The following SDK1 variants were observed in gnomAD, a reference collection of about 807,000 sequenced individuals.
SDK1 encodes the protein sidekick cell adhesion molecule 1, also known as protein sidekick-1.
In SDK1, 157 loss-of-function variants were observed where a neutral mutation model predicts 245.5. The observed-to-expected ratio is 0.64, with a 90% CI of 0.56 to 0.73. The LOEUF is 0.73. Among genes scored for constraint, SDK1 ranks in the 30% least tolerant of loss-of-function variants. The pLI is 0.00. For synonymous variants in SDK1, 1,647 were observed against 1,278.5 expected (o/e 1.29, Z -6.15); for missense variants, 3,583 against 3,002.3 (o/e 1.19, Z -4.52).
chr7:4,084,675 C>CGTTAT (rs60696477), intron 22 of SDK1, among the ~76,000 whole-genome samples: 19,789 of 119,454 alleles, frequency 0.17, 1,565 homozygotes, highest in Non-Finnish European at 0.18. Context: ...TGTTATGTTA[C>CGTTAT]GTTATGTTAT....
chr7:3,330,574 G>A (rs1043733786), intron 1 of SDK1, among the ~76,000 whole-genome samples: 1 of 152,118 alleles, frequency 6.6e-6, no homozygotes, highest in Non-Finnish European at 1.5e-5. Context: ...GATGCGTCTT[G>A]CCATGTCATG....
At chr7:4,119,254 G>A (rs967161447) in intron 25 of SDK1, among the ~76,000 whole-genome samples, 3 of 147,942 alleles carry the variant, frequency 2.0e-5, no homozygotes, top group South Asian at 4.5e-4. Context: ...ACCAGCCTGG[G>A]CAACATAGCA....
At chr7:3,383,531 C>T (rs960863303) in intron 1 of SDK1, among the ~76,000 whole-genome samples, 10 of 152,106 alleles carry the variant, frequency 6.6e-5, no homozygotes, top group African/African-American at 2.2e-4. Context: ...AGATTTTGTG[C>T]TTATTTGAGA....
chr7:3,866,848 G>A (rs1199590991), intron 5 of SDK1, among the ~76,000 whole-genome samples: 1 of 152,196 alleles, frequency 6.6e-6, no homozygotes, highest in African/African-American at 2.4e-5. Flanking sequence ...TTGATGTCCA[G>A]GCTGAAGAGT....
At chr7:3,749,047 C>A (rs896415528) in intron 4 of SDK1, among the ~76,000 whole-genome samples, 1 of 152,196 alleles carries the variant, frequency 6.6e-6, no homozygotes. Flanking sequence ...ATATTTTCAA[C>A]AGAGCATATT....
intron 5 of SDK1, among the ~76,000 whole-genome samples, chr7:3,881,692 T>C (rs1339945123): frequency 6.6e-6 from 1 of 152,234 alleles, no homozygotes; most frequent in African/African-American, 2.4e-5. Context: ...CACACTGTCT[T>C]CTACAATGGT....
chr7:4,199,296 C>T (rs923298347), intron 35 of SDK1, among the ~76,000 whole-genome samples: 2 of 152,208 alleles, frequency 1.3e-5, no homozygotes, highest in South Asian at 2.1e-4. Context: ...ACTCACTGTA[C>T]GGGCCAGGAA....
intron 4 of SDK1, among the ~76,000 whole-genome samples, chr7:3,807,007 A>G (rs1446939221): frequency 6.6e-6 from 1 of 152,040 alleles, no homozygotes; most frequent in African/African-American, 2.4e-5. Flanking sequence ...CGATAGCTGT[A>G]TTTCACCCAG....
intron 1 of SDK1, among the ~76,000 whole-genome samples, chr7:3,613,286 A>G (rs191340551): frequency 5.5e-4 from 83 of 152,280 alleles, no homozygotes; most frequent in Middle Eastern, 3.4e-3. Flanking sequence ...CTGCAGATAG[A>G]TGGGTCATGG....
intron 4 of SDK1, among the ~76,000 whole-genome samples, chr7:3,728,555 G>C (rs1779081292): frequency 6.6e-6 from 1 of 152,222 alleles, no homozygotes; most frequent in Non-Finnish European, 1.5e-5. Context: ...GAAAGGCCTT[G>C]TGACATTGAG....
intron 1 of SDK1, among the ~76,000 whole-genome samples, chr7:3,307,306 C>T (rs1779441507): frequency 6.6e-6 from 1 of 152,040 alleles, no homozygotes; most frequent in African/African-American, 2.4e-5. Context: ...TCAGTTGGGA[C>T]AGCAAATATG....
intron 1 of SDK1, among the ~76,000 whole-genome samples, chr7:3,316,316 A>G (rs1779661304): frequency 6.6e-6 from 1 of 152,108 alleles, no homozygotes; most frequent in Non-Finnish European, 1.5e-5. Context: ...ACACATAAAT[A>G]CTTGTGGTAT....
At chr7:4,209,162 C>T (rs1205769588) in intron 37 of SDK1, among the ~76,000 whole-genome samples, 4 of 152,200 alleles carry the variant, frequency 2.6e-5, no homozygotes, top group African/African-American at 7.2e-5. Context: ...TCATCCAGTG[C>T]CCGCATCTGA....
chr7:4,175,964 G>A (rs1306006582), intron 34 of SDK1, 130 bp downstream of exon 34: 9 of 738,290 alleles, frequency 1.2e-5, no homozygotes, highest in South Asian at 3.0e-5. Context: ...CCTCTCAAAC[G>A]CTGCGTCTCC....
intron 4 of SDK1, among the ~76,000 whole-genome samples, chr7:3,656,148 T>C (rs1236011466): frequency 6.6e-6 from 1 of 152,144 alleles, no homozygotes; most frequent in Non-Finnish European, 1.5e-5. Context: ...CATAATGAAT[T>C]TTCAGCCCTT....
chr7:3,678,778 G>T (rs1230870983), intron 4 of SDK1, among the ~76,000 whole-genome samples: 1 of 152,152 alleles, frequency 6.6e-6, no homozygotes, highest in Non-Finnish European at 1.5e-5. Flanking sequence ...TAAAATGATA[G>T]ATTTCAGGCA....
chr7:3,873,403 T>A (rs990248386), intron 5 of SDK1, among the ~76,000 whole-genome samples: 1 of 152,170 alleles, frequency 6.6e-6, no homozygotes, highest in Admixed American at 6.5e-5. Flanking sequence ...AGTTTGAATA[T>A]CATAACTAGA....
intron 4 of SDK1, among the ~76,000 whole-genome samples, chr7:3,674,478 G>A (rs1387508107): frequency 6.6e-6 from 1 of 152,140 alleles, no homozygotes; most frequent in East Asian, 1.9e-4. Flanking sequence ...GGCCTTTGCT[G>A]AGGCTGGTCT....
rs397933900 is a variant in SDK1 at position 3,536,693 on chromosome 7, C to CAA, written c.299-82377_299-82376dup. ...TGGGCAACAGAGTGGGACTCTGTCTCAAAAAAAAAAACAAAAACAAAAAAC... is the reference window on the plus strand; with the variant it reads ...TGGGCAACAGAGTGGGACTCTGTCTCAAAAAAAAAAAAACAAAAACAAAAAAC... On this transcript the variant is annotated intron_variant, in intron 1 of 44. Coordinates refer to ENST00000404826, the MANE Select transcript of SDK1 (RefSeq NM_152744.4). Among the ~76,000 whole-genome samples, 7 of 128,814 alleles carry CAA rather than the reference C, an allele frequency of 5.4e-5. No homozygotes were observed. The East Asian group carries it at 6.7e-4, about 12-fold the overall frequency. 84.5% of individuals were successfully genotyped at this position (128,814 alleles called of 152,430 possible). A position where few individuals can be genotyped will look rare whatever the true frequency, so the allele number is the denominator to read the frequency against.
Sources: gnomAD v4.1 joint callset for allele counts (sites outside exome capture counted in the v4.1 genomes callset) on GRCh38, gnomAD v4.1.1 for gene constraint, MANE v1.5 for transcripts, NCBI Gene and HGNC (gene_info 2026-07-23, HGNC 2026-07-21) for gene names.